Variants in KIAA1549L observed in about 807,000 individuals in gnomAD.
The protein encoded by KIAA1549L is KIAA1549 like.
KIAA1549L carries 88 observed loss-of-function variants against 160.7 expected under a neutral mutation model. The ratio of observed to expected loss-of-function variants is 0.55; its 90% CI spans 0.46 to 0.65. KIAA1549L has a LOEUF of 0.65. KIAA1549L is among the 30% of genes least tolerant of loss of function. The pLI is 0.00. For missense variants in KIAA1549L, 2,258 were observed against 2,437.5 expected (o/e 0.93, Z 1.55); for synonymous variants, 950 against 976.7 (o/e 0.97, Z 0.51).
At chr11:33,545,466 C>T in intron 3 of KIAA1549L, 88 bp downstream of exon 3, 1 of 1,420,296 alleles carries the variant, frequency 7.0e-7, no homozygotes, top group Non-Finnish European at 9.3e-7. Context: ...TGGTCCTCAA[C>T]CAGGGGACAT....
intron 1 of KIAA1549L, among the ~76,000 whole-genome samples, chr11:33,484,341 T>C (rs925117320): frequency 6.6e-6 from 1 of 152,228 alleles, no homozygotes; most frequent in African/African-American, 2.4e-5. Context: ...GCCTTTGTTT[T>C]CCTCTTCCCC....
At chr11:33,395,228 G>A (rs528423759) in intron 1 of KIAA1549L, among the ~76,000 whole-genome samples, 1 of 152,304 alleles carries the variant, frequency 6.6e-6, no homozygotes, top group African/African-American at 2.4e-5. Flanking sequence ...GCAGTCTCTG[G>A]CACACAGTAG....
intron 1 of KIAA1549L, among the ~76,000 whole-genome samples, chr11:33,480,936 C>T (rs1852399286): frequency 6.6e-6 from 1 of 152,208 alleles, no homozygotes; most frequent in Admixed American, 6.5e-5. Flanking sequence ...CCATCTCCAC[C>T]CTCCGCTAAA....
chr11:33,544,418 G>T, intron 2 of KIAA1549L, 82 bp downstream of exon 2: 1 of 1,415,992 alleles, frequency 7.1e-7, no homozygotes, highest in Non-Finnish European at 9.7e-7. Context: ...GCATCTTCAA[G>T]CTCAACGCAG....
At chr11:33,511,254 C>T (rs185874240) in intron 1 of KIAA1549L, among the ~76,000 whole-genome samples, 1 of 152,298 alleles carries the variant, frequency 6.6e-6, no homozygotes, top group Non-Finnish European at 1.5e-5. Context: ...AGGCTTGTCT[C>T]TAGAGGCTGT....
At position 33,668,590 on chromosome 11, in the gene KIAA1549L, A is replaced by C. The variant is rs761635055; in HGVS notation, c.*436A>C. Reference sequence around the variant, plus strand: ...AAAGGCAATGCAGGAGTGTGGATTAAGCACCAGACTGTATTCTCATTCAAC... The same window carrying C: ...AAAGGCAATGCAGGAGTGTGGATTACGCACCAGACTGTATTCTCATTCAAC... On this transcript the variant is annotated 3_prime_UTR_variant, in exon 21 of 21. Coordinates refer to ENST00000658780, the MANE Select transcript of KIAA1549L (RefSeq NM_012194.3). The C allele has an allele frequency of 1.1e-5, 2 of 185,490 alleles. No homozygotes were observed. The highest frequency in any genetic ancestry group is 2.3e-5 in the Non-Finnish European group (2 of 87,216). The allele number at this position is 185,490 out of a possible 1,614,324, so 11.5% of individuals were successfully genotyped here.
intron 1 of KIAA1549L, among the ~76,000 whole-genome samples, chr11:33,410,299 A>G (rs1850761542): frequency 6.6e-6 from 1 of 152,142 alleles, no homozygotes. Flanking sequence ...TCTTAACTGC[A>G]TTGTTAGTGT....
At chr11:33,384,737 C>A (rs935270186) in intron 1 of KIAA1549L, among the ~76,000 whole-genome samples, 1 of 152,028 alleles carries the variant, frequency 6.6e-6, no homozygotes, top group Non-Finnish European at 1.5e-5. Flanking sequence ...TTTTCATGTT[C>A]TTACTTGCCA....
intron 1 of KIAA1549L, among the ~76,000 whole-genome samples, chr11:33,527,528 G>T (rs1221113339): frequency 6.6e-6 from 1 of 152,078 alleles, no homozygotes; most frequent in East Asian, 1.9e-4. Context: ...ATTGACTTAG[G>T]CAAAGAGTTT....
At chr11:33,408,181 T>C (rs1222314456) in intron 1 of KIAA1549L, among the ~76,000 whole-genome samples, 3 of 152,194 alleles carry the variant, frequency 2.0e-5, no homozygotes, top group African/African-American at 7.2e-5. Context: ...GAAAATGTCT[T>C]TTGTAGTACC....
chr11:33,385,883 G>A (rs556411104), intron 1 of KIAA1549L, among the ~76,000 whole-genome samples: 1 of 151,904 alleles, frequency 6.6e-6, no homozygotes, highest in South Asian at 2.1e-4. Flanking sequence ...TTGGCATATA[G>A]TAATAGAAAA....
chr11:33,477,507 GCACACACACACAAACACACACACA>G (rs1440371239), intron 1 of KIAA1549L, among the ~76,000 whole-genome samples: 1 of 131,740 alleles, frequency 7.6e-6, no homozygotes, highest in Admixed American at 7.1e-5. Flanking sequence ...GCAGGTGCAC[GCACACACACACAAACACACACACA>G]CACACACACA....
intron 16 of KIAA1549L, among the ~76,000 whole-genome samples, chr11:33,620,648 G>C (rs1384296027): frequency 6.6e-6 from 1 of 152,062 alleles, no homozygotes; most frequent in Non-Finnish European, 1.5e-5. Flanking sequence ...TATATAATTT[G>C]CCTACCCAGC....
intron 1 of KIAA1549L, among the ~76,000 whole-genome samples, chr11:33,523,177 G>A (rs1043330182): frequency 6.6e-6 from 1 of 152,126 alleles, no homozygotes; most frequent in Non-Finnish European, 1.5e-5. Flanking sequence ...CTTTAACTCT[G>A]GAATTCCCTC....
intron 1 of KIAA1549L, among the ~76,000 whole-genome samples, chr11:33,441,911 G>A (rs1851515205): frequency 6.6e-6 from 1 of 152,088 alleles, no homozygotes; most frequent in Non-Finnish European, 1.5e-5. Context: ...CTGTGCAGAA[G>A]CTCTTTAATT....
In KIAA1549L at chr11:33,503,689, C is replaced by CTTG. The variant is rs578245781; in HGVS notation, c.239-38111_239-38109dup. Among the ~76,000 whole-genome samples the CTTG allele has an allele frequency of 1.2e-4, 18 of 152,264 alleles. No individual in the cohort carries two copies. The South Asian group carries it at 3.7e-3, about 32-fold the overall frequency. On this transcript the variant is annotated intron_variant, in intron 1 of 20. Transcript: ENST00000658780. ...ATAAAGTGAAATATGTCTGGCTGTA[C>CTTG]TTGTAACTTTATTTCTGAGGGTTCC...
At chr11:33,578,356 C>T (rs994634794) in intron 10 of KIAA1549L, among the ~76,000 whole-genome samples, 1 of 152,180 alleles carries the variant, frequency 6.6e-6, no homozygotes, top group Non-Finnish European at 1.5e-5. Context: ...TCTGACCCTT[C>T]CAGCCTCACT....
intron 17 of KIAA1549L, among the ~76,000 whole-genome samples, chr11:33,654,056 C>T (rs1048328352): frequency 1.3e-5 from 2 of 151,972 alleles, no homozygotes; most frequent in African/African-American, 4.8e-5. Flanking sequence ...CACTGCAACC[C>T]CCAACTTCTG....
chr11:33,530,424 AAAAAAAAAAAAAATATATATATATATAT>A lies in KIAA1549L; in HGVS notation c.239-11376_239-11349del, dbSNP rs1351031669. ...CTAAAGAAGAAGAAGGAAAAAAAAA[AAAAAAAAAAAAAATATATATATATATAT>A]ATATATATATATATATATATATATA... On this transcript the variant is annotated intron_variant, in intron 1 of 20. Coordinates refer to ENST00000658780, the MANE Select transcript of KIAA1549L (RefSeq NM_012194.3). 4.7e-3 allele frequency among the ~76,000 whole-genome samples: 90 copies of A among 18,960 alleles called. 9 individuals are homozygous for A. Among genetic ancestry groups the A allele is most frequent in the East Asian group, 0.029 (30 of 1,026 alleles). The allele number at this position is 18,960 out of a possible 152,430, so 12.4% of individuals were successfully genotyped here.
Sources: allele counts gnomAD v4.1 joint callset (sites outside exome capture counted in the v4.1 genomes callset), GRCh38; gene constraint gnomAD v4.1.1; transcripts MANE v1.5; gene names NCBI Gene and HGNC (gene_info 2026-07-23, HGNC 2026-07-21).